The following PALM variants were observed in gnomAD, a reference collection of about 807,000 sequenced individuals.
The protein encoded by PALM is paralemmin.
Under a neutral mutation model 30.7 loss-of-function variants are expected in PALM, and 18 were observed. The observed-to-expected ratio is 0.59, with a 90% CI of 0.41 to 0.87. The LOEUF is 0.87. Ranked by LOEUF, PALM falls within the 40% of genes least tolerant of loss-of-function variation. The pLI, the probability that PALM is intolerant of heterozygous loss-of-function variation, is 0.00. For synonymous variants in PALM, 286 were observed against 242.8 expected (o/e 1.18, Z -1.66); for missense variants, 529 against 555.4 (o/e 0.95, Z 0.48).
intron 4 of PALM, among the ~76,000 whole-genome samples, chr19:729,312 C>A (rs574941725): frequency 1.3e-5 from 2 of 151,388 alleles, no homozygotes; most frequent in African/African-American, 4.9e-5. Flanking sequence ...GGGGACAGAG[C>A]GAGAATCTGT....
chr19:727,913 G>A, intron 4 of PALM: 1 of 556,630 alleles, frequency 1.8e-6, no homozygotes. Flanking sequence ...GGCAGAGGCT[G>A]GCTGCGTGGC....
rs1225880337 is a variant in PALM, at chr19:708,972, C to A, written c.-175C>A. On this transcript the variant is annotated 5_prime_UTR_variant, in exon 1 of 9. Coordinates refer to ENST00000338448, the MANE Select transcript of PALM (RefSeq NM_002579.3). ...GCCCGGACAATAAACAGCAGCTTTG[C>A]GCGGGGCGATGCCCGAGCCGGTGCC... 1 of 147,916 alleles carries A rather than the reference C, an allele frequency of 6.8e-6. No homozygotes were observed. Among genetic ancestry groups the A allele is most frequent in the Non-Finnish European group, 1.5e-5 (1 of 66,724 alleles). The allele number at this position is 147,916 out of a possible 1,614,324, so 9.2% of individuals were successfully genotyped here.
chr19:714,770 C>A (rs2032203942), intron 1 of PALM, among the ~76,000 whole-genome samples: 1 of 152,146 alleles, frequency 6.6e-6, no homozygotes, highest in African/African-American at 2.4e-5. Flanking sequence ...CACCCAGCCT[C>A]TTGAGTAGCT....
At position 726,995 on chromosome 19, in the gene PALM, G is replaced by GCCCCCCCCCCCCCCC; in HGVS notation, c.58-10_58-9insCCCCCCCCCCCCCCC. The stretch of plus-strand genomic sequence containing the variant: ...CCACGCCCATCCCTGACCCCACCCG[G>GCCCCCCCCCCCCCCC]CCCTCCCCACAGGAGAAGCGGAAGC... On this transcript the variant is annotated splice_polypyrimidine_tract_variant and intron_variant, in intron 2 of 8. Coordinates refer to ENST00000338448, the MANE Select transcript of PALM (RefSeq NM_002579.3). 1.3e-6 allele frequency: 1 copy of GCCCCCCCCCCCCCCC among 753,614 alleles called. No individual in the cohort carries two copies. The highest frequency in any genetic ancestry group is 2.1e-6 in the Non-Finnish European group (1 of 479,440). The allele number at this position is 753,614 out of a possible 1,614,324, so 46.7% of individuals were successfully genotyped here. A position where few individuals can be genotyped will look rare whatever the true frequency, so the allele number is the denominator to read the frequency against.
chr19:740,509 C>T (rs1299814221), intron 8 of PALM, 26 bp downstream of exon 8: 7 of 1,539,588 alleles, frequency 4.5e-6, no homozygotes, highest in Non-Finnish European at 8.8e-7. Flanking sequence ...CCCCTGCCCT[C>T]CCTCCACCTG....
intron 4 of PALM, 109 bp from the exon 5 acceptor site, chr19:730,985 GA>G (rs1363881239): frequency 1.4e-6 from 1 of 701,920 alleles, no homozygotes; most frequent in African/African-American, 1.8e-5. Flanking sequence ...TGGGCAACAA[GA>G]GCGAGAATCT....
chr19:716,746 C>T lies in PALM; in HGVS notation c.5+7595C>T, dbSNP rs1008386535. On this transcript the variant is annotated intron_variant, in intron 1 of 8. Transcript: ENST00000338448. Reference sequence around the variant, plus strand: ...GGTTGGGAAGGACCCCAGCCCCTGGCCTGGCTCTTGTTGAGAAGGCTGGCA... The same window carrying T: ...GGTTGGGAAGGACCCCAGCCCCTGGTCTGGCTCTTGTTGAGAAGGCTGGCA... 1.2e-4 allele frequency among the ~76,000 whole-genome samples: 18 copies of T among 152,276 alleles called. 1 individual carries two copies. Among genetic ancestry groups the T allele is most frequent in the Admixed American group, 5.9e-4 (9 of 15,294 alleles).
At chr19:727,202 G>A in intron 3 of PALM, 114 bp downstream of exon 3, 2 of 735,962 alleles carry the variant, frequency 2.7e-6, no homozygotes. Flanking sequence ...CCCTGACCCT[G>A]CCTCCAGCCC....
In PALM at chr19:726,172, C is replaced by T. The variant is rs1193239940; in HGVS notation, c.40C>T (p.Arg14Trp). ...LAAETTSQQERLQAIAEKRKR... is the reference protein window; with the variant it reads ...LAAETTSQQEWLQAIAEKRKR... ...GGCAGAGACCACGTCCCAGCAGGAGCGGCTGCAGGCCATCGCAGTGAGTTT... is the reference window on the plus strand; with the variant it reads ...GGCAGAGACCACGTCCCAGCAGGAGTGGCTGCAGGCCATCGCAGTGAGTTT... The change falls in exon 2 of 9, where the codon CGG becomes TGG. Residue 14 changes from arginine (R) to tryptophan (W), a missense_variant. Transcript: ENST00000338448. 6 of 1,613,052 alleles carry T rather than the reference C, an allele frequency of 3.7e-6. No homozygotes were observed. Among genetic ancestry groups the T allele is most frequent in the South Asian group, 1.1e-5 (1 of 91,068 alleles).
chr19:716,280 G>A (rs563500242), intron 1 of PALM, among the ~76,000 whole-genome samples: 20 of 152,298 alleles, frequency 1.3e-4, no homozygotes, highest in South Asian at 4.1e-4. Context: ...AGGCATGGTG[G>A]CAGGTGCCTG....
rs767889561 is a variant in PALM at position 736,073 on chromosome 19, A to G, written c.497A>G (p.Lys166Arg). ...LRTVDGSPMM[K>R]AAMYSVEITV... ...ACGGTTGACGGCTCCCCCATGATGA[A>G]GGCAGGTGGGTTGGCCCCCAGGCTC... is the stretch of plus-strand genomic sequence containing the variant. The change falls in exon 7 of 9, where the codon AAG becomes AGG. Residue 166 changes from lysine to arginine, a missense_variant. Lys to Arg is a conservative substitution (Grantham distance 26, BLOSUM62 2). Transcript: ENST00000338448. 45 of 1,602,782 alleles carry G rather than the reference A, an allele frequency of 2.8e-5. No homozygotes were observed. The Admixed American group carries it at 7.4e-4, about 27-fold the overall frequency.
intron 7 of PALM, 33 bp from the exon 8 acceptor site, chr19:740,319 G>C: frequency 6.5e-7 from 1 of 1,531,200 alleles, no homozygotes; most frequent in African/African-American, 1.4e-5. Flanking sequence ...GGGGCGGGCA[G>C]GCCGTGGTGT....
intron 6 of PALM, 68 bp downstream of exon 6, chr19:734,262 C>T (rs369007246): frequency 7.4e-5 from 111 of 1,500,342 alleles, no homozygotes; most frequent in African/African-American, 2.8e-4. Context: ...GATGGCAGGG[C>T]GGGGAGTGAA....
At chr19:711,980 G>A (rs987073585) in intron 1 of PALM, among the ~76,000 whole-genome samples, 6 of 152,018 alleles carry the variant, frequency 3.9e-5, no homozygotes, top group Non-Finnish European at 7.4e-5. Context: ...CCTTTTCCAC[G>A]GCCCTGTTTT....
chr19:730,926 G>A (rs367741228), intron 4 of PALM, among the ~76,000 whole-genome samples, 169 bp from the exon 5 acceptor site: 18 of 152,056 alleles, frequency 1.2e-4, no homozygotes, highest in Non-Finnish European at 2.2e-4. Flanking sequence ...ACTTGAACCC[G>A]GGAGGTGGAG....
Position 746,758 on chromosome 19 carries a change from G to T in PALM, c.1108G>T (p.Asp370Tyr). The change falls in exon 9 of 9, where the codon GAC becomes TAC. Residue 370 changes from aspartate to tyrosine, a missense_variant. Transcript: ENST00000338448. This position sits in a 1 kb window ranked among gnomAD's most constrained non-coding sequence, Gnocchi z 7.1. The stretch of plus-strand genomic sequence containing the variant: ...GGCGGGGCCCGAGGCCACCACCAGC[G>T]ACCCCCAGGACCTCGACATGAAGAA... ...NQAGPEATTSDPQDLDMKKHR... is the reference protein window; with the variant it reads ...NQAGPEATTSYPQDLDMKKHR... 6.3e-7 allele frequency: 1 copy of T among 1,592,762 alleles called. No individual in the cohort carries two copies.
chr19:727,963 C>G lies in PALM; in HGVS notation c.269+269C>G, dbSNP rs566734154. Reference sequence around the variant, plus strand: ...TACCCCTTTCCCTTCCCACCGCCCTCGTTTGAGCCAGCGAGGGACGTGGCG... The same window carrying G: ...TACCCCTTTCCCTTCCCACCGCCCTGGTTTGAGCCAGCGAGGGACGTGGCG... On this transcript the variant is annotated intron_variant, in intron 4 of 8. Transcript: ENST00000338448. The G allele has an allele frequency of 7.3e-5, 29 of 396,724 alleles. 1 individual carries two copies. The South Asian group carries it at 1.2e-3, about 17-fold the overall frequency. 24.6% of individuals were successfully genotyped at this position (396,724 alleles called of 1,614,324 possible). A position where few individuals can be genotyped will look rare whatever the true frequency, so the allele number is the denominator to read the frequency against.
intron 8 of PALM, among the ~76,000 whole-genome samples, chr19:743,153 G>C (rs1599169309): frequency 1.3e-5 from 2 of 152,182 alleles, no homozygotes; most frequent in Non-Finnish European, 2.9e-5. Flanking sequence ...GGCCTCTGCG[G>C]TGCCCCAGAT....
At chr19:726,964 G>T in intron 2 of PALM, 44 bp from the exon 3 acceptor site, 1 of 1,162,386 alleles carries the variant, frequency 8.6e-7, no homozygotes, top group Admixed American at 2.1e-5. Context: ...GGGGTCTCCG[G>T]GACCCCCACG....
Sources: allele counts gnomAD v4.1 joint callset (sites outside exome capture counted in the v4.1 genomes callset), GRCh38; gene constraint gnomAD v4.1.1; non-coding constraint Gnocchi (gnomAD v3.1); transcripts MANE v1.5; gene names NCBI Gene and HGNC (gene_info 2026-07-23, HGNC 2026-07-21).